LHFPL2: variants seen among roughly 807,000 people sequenced by gnomAD.
The protein encoded by LHFPL2 is LHFPL tetraspan subfamily member 2, also known as LHFPL tetraspan subfamily member 2 protein.
LHFPL2 carries 7 observed loss-of-function variants against 17.5 expected under a neutral mutation model. That is an observed-to-expected ratio of 0.40 (90% CI 0.23 to 0.75). LHFPL2 has a LOEUF of 0.75. Ranked by LOEUF, LHFPL2 falls within the 30% of genes least tolerant of loss-of-function variation. LHFPL2 has a pLI of 0.37. For synonymous variants in LHFPL2, 134 were observed against 116.2 expected (o/e 1.15, Z -0.99); for missense variants, 241 against 294.8 (o/e 0.82, Z 1.34).
chr5:78,540,472 T>C (rs1006473357), intron 3 of LHFPL2, among the ~76,000 whole-genome samples: 2 of 152,232 alleles, frequency 1.3e-5, no homozygotes, highest in African/African-American at 4.8e-5. Flanking sequence ...CCTCAGATCC[T>C]GGCCTCAGCC....
chr5:78,584,010 C>G (rs1171668991), intron 2 of LHFPL2, among the ~76,000 whole-genome samples: 2 of 151,800 alleles, frequency 1.3e-5, no homozygotes, highest in Non-Finnish European at 2.9e-5. Context: ...CTAAACTTCC[C>G]TTCTCACTTC....
At chr5:78,508,116 A>C (rs112268784) in intron 4 of LHFPL2, among the ~76,000 whole-genome samples, 168 of 152,304 alleles carry the variant, frequency 1.1e-3, no homozygotes, top group African/African-American at 3.8e-3. Context: ...TCATCTTCAG[A>C]AGTGAGTCAA....
chr5:78,577,881 C>T (rs1757172146), intron 2 of LHFPL2, among the ~76,000 whole-genome samples: 2 of 152,028 alleles, frequency 1.3e-5, no homozygotes, highest in African/African-American at 4.8e-5. Context: ...TTCCACTGAG[C>T]TACACTCCTT....
At chr5:78,607,910 AT>A (rs1351214911) in intron 2 of LHFPL2, among the ~76,000 whole-genome samples, 1 of 152,248 alleles carries the variant, frequency 6.6e-6, no homozygotes, top group African/African-American at 2.4e-5. Flanking sequence ...TGAATGTTAA[AT>A]ATGAAATCAC....
At chr5:78,512,512 T>G (rs1755162669) in intron 3 of LHFPL2, among the ~76,000 whole-genome samples, 1 of 151,684 alleles carries the variant, frequency 6.6e-6, no homozygotes, top group African/African-American at 2.4e-5. Context: ...AAAAAGTTAC[T>G]AAGGGCTTTA....
intron 3 of LHFPL2, among the ~76,000 whole-genome samples, chr5:78,550,093 T>C (rs1300562896): frequency 1.3e-5 from 2 of 152,168 alleles, no homozygotes; most frequent in South Asian, 2.1e-4. Flanking sequence ...CAATAAATAA[T>C]ATAACCCATA....
chr5:78,519,756 C>A (rs966081415), intron 3 of LHFPL2, among the ~76,000 whole-genome samples: 2 of 152,258 alleles, frequency 1.3e-5, no homozygotes, highest in African/African-American at 2.4e-5. Flanking sequence ...CAGGATCCAG[C>A]CTCCCCGTCC....
chr5:78,485,373 G>C lies in LHFPL2; in HGVS notation c.*3524C>G, dbSNP rs1490167603. ...CTACAAGTTTGAAGGCTCAAATTGA[G>C]TCCATCAGCTGTAAATACAATTTTA... On this transcript the variant is annotated 3_prime_UTR_variant, in exon 5 of 5. Coordinates refer to ENST00000380345, the MANE Select transcript of LHFPL2 (RefSeq NM_005779.3). 1.3e-5 allele frequency: 2 copies of C among 152,652 alleles called. No individual in the cohort carries two copies. Among genetic ancestry groups the C allele is most frequent in the Non-Finnish European group, 2.9e-5 (2 of 68,034 alleles). 9.5% of individuals were successfully genotyped at this position (152,652 alleles called of 1,614,324 possible).
chr5:78,615,452 T>C (rs144427587), intron 2 of LHFPL2, among the ~76,000 whole-genome samples: 39 of 152,172 alleles, frequency 2.6e-4, no homozygotes, highest in African/African-American at 8.9e-4. Context: ...CTAAAAACAA[T>C]CCAAATTTTT....
At chr5:78,489,898 CAGAA>C (rs55756486) in intron 4 of LHFPL2, among the ~76,000 whole-genome samples, 43,029 of 151,994 alleles carry the variant, frequency 0.28, 6,512 homozygotes, top group East Asian at 0.56. Flanking sequence ...TGGCTTTCTG[CAGAA>C]AGAGTTTGCC....
chr5:78,581,526 T>A (rs1308701401), intron 2 of LHFPL2, among the ~76,000 whole-genome samples: 1 of 152,200 alleles, frequency 6.6e-6, no homozygotes, highest in Non-Finnish European at 1.5e-5. Context: ...TCAAAGGCCT[T>A]TTCTGCATCT....
intron 2 of LHFPL2, among the ~76,000 whole-genome samples, chr5:78,580,791 G>C (rs567210893): frequency 1.2e-3 from 184 of 152,090 alleles, no homozygotes; most frequent in African/African-American, 4.1e-3. Context: ...GATGCCTCCA[G>C]CTTTGTTCTT....
chr5:78,517,720 T>C lies in LHFPL2; in HGVS notation c.-185-7322A>G, dbSNP rs558604637. 2.6e-3 allele frequency among the ~76,000 whole-genome samples: 397 copies of C among 152,266 alleles called. 1 individual carries two copies. Among genetic ancestry groups the C allele is most frequent in the African/African-American group, 9.1e-3 (380 of 41,566 alleles). On this transcript the variant is annotated intron_variant, in intron 3 of 4. Coordinates refer to ENST00000380345, the MANE Select transcript of LHFPL2 (RefSeq NM_005779.3). ...GCCCCCATGATTCAATTACCTCCCA[T>C]TGGGTCCCTCCCATGACATGTGGGG...
At chr5:78,537,702 C>T (rs1210196067) in intron 3 of LHFPL2, among the ~76,000 whole-genome samples, 2 of 152,228 alleles carry the variant, frequency 1.3e-5, no homozygotes, top group African/African-American at 4.8e-5. Flanking sequence ...TTTTCACCCT[C>T]AAAATGTAAC....
At chr5:78,540,237 C>T (rs914414571) in intron 3 of LHFPL2, among the ~76,000 whole-genome samples, 5 of 152,196 alleles carry the variant, frequency 3.3e-5, no homozygotes, top group Non-Finnish European at 7.3e-5. Flanking sequence ...GGAACTCTTC[C>T]AGTTTTCTTT....
In LHFPL2 at chr5:78,603,065, A is replaced by T. The variant is rs193020539; in HGVS notation, c.-245+29199T>A. Among the ~76,000 whole-genome samples, 481 of 151,586 alleles carry T rather than the reference A, an allele frequency of 3.2e-3. 4 individuals carry two copies. The highest frequency in any genetic ancestry group is 0.011 in the African/African-American group (461 of 41,320). On this transcript the variant is annotated intron_variant, in intron 2 of 4. Transcript: ENST00000380345. ...GCCACCACACCCAGCTAATTTTTGT[A>T]TTTTTTTTAGCTGAAACGGGGTTTC...
chr5:78,601,782 G>T (rs1489756158), intron 2 of LHFPL2, among the ~76,000 whole-genome samples: 1 of 152,128 alleles, frequency 6.6e-6, no homozygotes, highest in African/African-American at 2.4e-5. Context: ...TGGGGGGAAT[G>T]CTCCTGCTCT....
intron 2 of LHFPL2, among the ~76,000 whole-genome samples, chr5:78,620,736 G>A (rs556983487): frequency 1.3e-5 from 2 of 152,188 alleles, no homozygotes; most frequent in Non-Finnish European, 1.5e-5. Flanking sequence ...CATGATCAGC[G>A]CAGAACGCTA....
chr5:78,492,822 AGT>A (rs1459940083), intron 4 of LHFPL2, among the ~76,000 whole-genome samples: 4 of 152,210 alleles, frequency 2.6e-5, no homozygotes, highest in Non-Finnish European at 5.9e-5. Context: ...GTGGGTGTGA[AGT>A]GTGCCAACCA....
Sources: allele counts gnomAD v4.1 joint callset (sites outside exome capture counted in the v4.1 genomes callset), GRCh38; gene constraint gnomAD v4.1.1; transcripts MANE v1.5; gene names NCBI Gene and HGNC (gene_info 2026-07-23, HGNC 2026-07-21).